CCDC3: variants seen among roughly 807,000 people sequenced by gnomAD.
CCDC3 encodes coiled-coil domain containing 3.
Under a neutral mutation model 21.4 loss-of-function variants are expected in CCDC3, and 24 were observed. The ratio of observed to expected loss-of-function variants is 1.12; its 90% CI spans 0.81 to 1.58. CCDC3 has a LOEUF of 1.58. CCDC3 is among the 40% of genes most tolerant of loss of function. CCDC3 has a pLI of 0.00. For missense variants in CCDC3, 425 were observed against 360.9 expected, an observed-to-expected ratio of 1.18 and a Z score of -1.44; for synonymous variants, 186 against 166.0, an observed-to-expected ratio of 1.12 and a Z score of -0.93.
At chr10:12,998,958 G>A (rs1180867790) in intron 1 of CCDC3, among the ~76,000 whole-genome samples, 1 of 152,168 alleles carries the variant, frequency 6.6e-6, no homozygotes, top group Non-Finnish European at 1.5e-5. Context: ...ATATAGTACT[G>A]GCTAGGTGCG....
chr10:13,059,047 A>G (rs904128102), intron 4 of CCDC3, among the ~76,000 whole-genome samples: 1 of 152,264 alleles, frequency 6.6e-6, no homozygotes, highest in African/African-American at 2.4e-5. Context: ...AGAAACAGGG[A>G]GGAAGGGAGT....
chr10:13,001,666 G>A lies in CCDC3; in HGVS notation c.-96C>T. The A allele has an allele frequency of 1.0e-5, 8 of 800,810 alleles. No homozygotes were observed. The highest frequency in any genetic ancestry group is 1.2e-5 in the Non-Finnish European group (8 of 651,330). 49.6% of individuals were successfully genotyped at this position (800,810 alleles called of 1,614,324 possible). ...CCCTGGGCGCTCGGCTGCTCGGGCC[G>A]CTCCCGGGAGCTGAGCGCACCGCTG... On this transcript the variant is annotated 5_prime_UTR_variant, in exon 1 of 3. Transcript: ENST00000378825.
At chr10:12,973,256 A>G (rs1022521914) in intron 2 of CCDC3, among the ~76,000 whole-genome samples, 2 of 152,078 alleles carry the variant, frequency 1.3e-5, no homozygotes, top group Admixed American at 6.5e-5. Context: ...CAAGAACACA[A>G]TATCACAGCA....
rs1050106920 is a variant in CCDC3, at chr10:12,936,570, T to C, written c.550-37891A>G. ...TTGATTTTCTGAAGTTTGAACATGATATGCCTAGGTATAGGTTTTTGGCAT... is the reference window on the plus strand; with the variant it reads ...TTGATTTTCTGAAGTTTGAACATGACATGCCTAGGTATAGGTTTTTGGCAT... On this transcript the variant is annotated intron_variant, in intron 2 of 2. Coordinates refer to ENST00000378825, the MANE Select transcript of CCDC3 (RefSeq NM_031455.4). 5.3e-5 allele frequency among the ~76,000 whole-genome samples: 8 copies of C among 152,306 alleles called. No homozygotes were observed. The South Asian group carries it at 1.2e-3, about 24-fold the overall frequency.
intron 2 of CCDC3, among the ~76,000 whole-genome samples, chr10:12,996,096 G>C (rs1835757646): frequency 6.6e-6 from 1 of 152,206 alleles, no homozygotes; most frequent in Admixed American, 6.5e-5. Context: ...CCTTCGCTTG[G>C]AAGAAATTAA....
chr10:13,006,984 C>G (rs1364779399), intron 5 of CCDC3, among the ~76,000 whole-genome samples: 2 of 152,168 alleles, frequency 1.3e-5, no homozygotes, highest in African/African-American at 4.8e-5. Context: ...TCGAAACATT[C>G]TGATTACTAG....
intron 2 of CCDC3, among the ~76,000 whole-genome samples, chr10:12,948,475 AC>A (rs1834955254): frequency 1.3e-5 from 2 of 151,806 alleles, no homozygotes; most frequent in South Asian, 4.2e-4. Flanking sequence ...TTGCACACAC[AC>A]ACACACACAC....
upstream of CCDC3, among the ~76,000 whole-genome samples, chr10:13,005,373 A>G (rs772370605): frequency 1.3e-5 from 2 of 152,188 alleles, no homozygotes; most frequent in Non-Finnish European, 2.9e-5. Context: ...TGCTTGCACC[A>G]TCTGGACCTG....
intron 4 of CCDC3, among the ~76,000 whole-genome samples, chr10:13,072,647 T>C (rs1424862380): frequency 6.6e-6 from 1 of 150,714 alleles, no homozygotes; most frequent in Non-Finnish European, 1.5e-5. Flanking sequence ...GGCCTGTTAA[T>C]AGGACTCCAT....
chr10:13,026,334 T>C (rs1190572152), intron 5 of CCDC3, among the ~76,000 whole-genome samples: 1 of 152,244 alleles, frequency 6.6e-6, no homozygotes, highest in Non-Finnish European at 1.5e-5. Flanking sequence ...CATACCTTAA[T>C]AACCTACAGC....
At chr10:12,931,211 A>C (rs1432060010) in intron 2 of CCDC3, among the ~76,000 whole-genome samples, 1 of 86,008 alleles carries the variant, frequency 1.2e-5, no homozygotes, top group African/African-American at 5.9e-5. Flanking sequence ...ACTCTGTCAA[A>C]AAAAAAAAAA....
chr10:13,062,937 C>T (rs1031812294), intron 4 of CCDC3, among the ~76,000 whole-genome samples: 4 of 130,064 alleles, frequency 3.1e-5, no homozygotes, highest in African/African-American at 1.2e-4. Flanking sequence ...CAGTAACTGA[C>T]TCAGTGCAAG....
At chr10:12,900,968 C>G (rs528196074) in intron 2 of CCDC3, among the ~76,000 whole-genome samples, 2 of 152,284 alleles carry the variant, frequency 1.3e-5, no homozygotes, top group East Asian at 3.9e-4. Context: ...TAAGCTGAGT[C>G]TCTCTCCGGA....
Position 12,948,638 on chromosome 10 carries a change from G to A in CCDC3, c.549+49700C>T, listed in dbSNP as rs1483448918. Among the ~76,000 whole-genome samples the A allele has an allele frequency of 3.3e-5, 5 of 151,416 alleles. No individual in the cohort carries two copies. In the East Asian group the frequency reaches 7.8e-4, roughly 24 times the overall value. Reference sequence around the variant, plus strand: ...GAGTTTGCCCTTCTTTAGACCACTGGTCCAACACCTTAAATTACTAGAAGC... The same window carrying A: ...GAGTTTGCCCTTCTTTAGACCACTGATCCAACACCTTAAATTACTAGAAGC... On this transcript the variant is annotated intron_variant, in intron 2 of 2. Transcript: ENST00000378825.
intron 2 of CCDC3, among the ~76,000 whole-genome samples, chr10:12,988,532 C>G (rs1405171914): frequency 2.0e-5 from 3 of 152,064 alleles, no homozygotes; most frequent in Non-Finnish European, 4.4e-5. Context: ...TTAGTAGAGA[C>G]AGAGTTTCAC....
At chr10:13,061,231 C>T (rs893160634) in intron 4 of CCDC3, among the ~76,000 whole-genome samples, 4 of 152,156 alleles carry the variant, frequency 2.6e-5, no homozygotes, top group Middle Eastern at 3.2e-3. Flanking sequence ...AAAGCAGAAT[C>T]GCAGAGAGCT....
chr10:13,004,767 T>C (rs1318807539), upstream of CCDC3, among the ~76,000 whole-genome samples: 3 of 151,982 alleles, frequency 2.0e-5, no homozygotes, highest in African/African-American at 7.3e-5. Context: ...ATGAATACCC[T>C]CTGTTTCTGC....
chr10:13,072,183 T>C (rs1425491849), intron 4 of CCDC3, among the ~76,000 whole-genome samples: 2 of 152,170 alleles, frequency 1.3e-5, no homozygotes, highest in Non-Finnish European at 2.9e-5. Flanking sequence ...AACCCAGTTG[T>C]CTATTCTCGC....
At chr10:13,013,314 C>T (rs1193229669) in intron 5 of CCDC3, among the ~76,000 whole-genome samples, 1 of 152,120 alleles carries the variant, frequency 6.6e-6, no homozygotes, top group Non-Finnish European at 1.5e-5. Context: ...TCTGATTAGC[C>T]ACAAACATTT....
Sources: allele counts gnomAD v4.1 joint callset (sites outside exome capture counted in the v4.1 genomes callset), GRCh38; gene constraint gnomAD v4.1.1; transcripts MANE v1.5; gene names NCBI Gene and HGNC (gene_info 2026-07-23, HGNC 2026-07-21).